Variants in TAMM41 observed in about 807,000 individuals in gnomAD.
TAMM41 encodes phosphatidate cytidylyltransferase, mitochondrial.
A neutral mutation model predicts 44.1 loss-of-function variants in TAMM41; 36 were observed. That is an observed-to-expected ratio of 0.82 (90% CI 0.63 to 1.08). TAMM41 has a LOEUF of 1.08. Among genes scored for constraint, TAMM41 ranks in the 50% least tolerant of loss-of-function variants. The pLI is 0.00. For missense variants in TAMM41, 417 were observed against 404.3 expected (o/e 1.03, Z -0.27); for synonymous variants, 164 against 153.1 (o/e 1.07, Z -0.53).
chr3:11,772,395 C>T, the TAMM41 span, among the ~76,000 whole-genome samples: 1 of 152,122 alleles, frequency 6.6e-6, no homozygotes, highest in East Asian at 1.9e-4. Flanking sequence ...GTCTGTTTTT[C>T]TACTCTGTGT....
the TAMM41 span, among the ~76,000 whole-genome samples, chr3:11,752,880 C>T: frequency 6.6e-6 from 1 of 151,514 alleles, no homozygotes; most frequent in South Asian, 2.1e-4. Context: ...GTCTTGAACT[C>T]CTGGGCTCTA....
At chr3:11,783,410 A>G in the TAMM41 span, among the ~76,000 whole-genome samples, 1 of 151,722 alleles carries the variant, frequency 6.6e-6, no homozygotes, top group Non-Finnish European at 1.5e-5. Context: ...TGGTCACCAA[A>G]TCCAAAGCTT....
chr3:11,725,365 TC>T, the TAMM41 span, among the ~76,000 whole-genome samples: 6 of 136,242 alleles, frequency 4.4e-5, no homozygotes, highest in South Asian at 2.4e-4. Flanking sequence ...TTTTTCTTCT[TC>T]TCCTCCTCCT....
chr3:11,804,703 C>T (rs147636720), intron 7 of TAMM41, among the ~76,000 whole-genome samples: 3 of 152,310 alleles, frequency 2.0e-5, no homozygotes, highest in South Asian at 2.1e-4. Flanking sequence ...ACCTCATCTT[C>T]AGTCTTGCCA....
At chr3:11,814,762 A>G (rs2078219167) in intron 5 of TAMM41, among the ~76,000 whole-genome samples, 1 of 152,210 alleles carries the variant, frequency 6.6e-6, no homozygotes, top group Admixed American at 6.5e-5. Flanking sequence ...CAGGAGTTTG[A>G]GACCAGCCTG....
At chr3:11,805,158 C>T (rs1444046449) in intron 7 of TAMM41, among the ~76,000 whole-genome samples, 4 of 152,058 alleles carry the variant, frequency 2.6e-5, no homozygotes, top group Non-Finnish European at 4.4e-5. Context: ...TGTGCCACCA[C>T]GCCCAGCTAA....
At chr3:11,781,553 G>A in the TAMM41 span, among the ~76,000 whole-genome samples, 1 of 151,954 alleles carries the variant, frequency 6.6e-6, no homozygotes, top group African/African-American at 2.4e-5. Context: ...TGGCCAACAT[G>A]GCAAAACCCC....
chr3:11,788,045 C>CA (rs1217126302), downstream of TAMM41, among the ~76,000 whole-genome samples: 1 of 152,208 alleles, frequency 6.6e-6, no homozygotes, highest in Admixed American at 6.5e-5. Flanking sequence ...AAAGGCACTA[C>CA]ACTGGAGTCT....
chr3:11,782,776 A>G, the TAMM41 span, among the ~76,000 whole-genome samples: 1 of 151,940 alleles, frequency 6.6e-6, no homozygotes, highest in African/African-American at 2.4e-5. Context: ...ACACGGTTGG[A>G]GTTTGGGGCA....
the TAMM41 span, among the ~76,000 whole-genome samples, chr3:11,734,878 CAAAAAAAAAAA>C: frequency 1.4e-5 from 1 of 73,312 alleles, no homozygotes; most frequent in Non-Finnish European, 2.9e-5. Context: ...TACTAAAATA[CAAAAAAAAAAA>C]AAAAAAAAAA....
intron 5 of TAMM41, chr3:11,811,657 T>TA (rs1472938814): frequency 6.6e-6 from 1 of 152,236 alleles, no homozygotes; most frequent in Non-Finnish European, 1.5e-5. Flanking sequence ...CGGACATGGA[T>TA]ACAATTATTA....
At chr3:11,846,012 T>C (rs979160837) in intron 1 of TAMM41, among the ~76,000 whole-genome samples, 1 of 152,202 alleles carries the variant, frequency 6.6e-6, no homozygotes, top group African/African-American at 2.4e-5. Context: ...TTTTGCATTT[T>C]CTCCTACATT....
the TAMM41 span, among the ~76,000 whole-genome samples, chr3:11,730,417 C>CA: frequency 0.067 from 6,587 of 99,016 alleles, 542 homozygotes; most frequent in African/African-American, 0.2. Flanking sequence ...TACTTCATCT[C>CA]AAAAAAAAAA....
intron 1 of TAMM41, chr3:11,845,063 G>A (rs1416458597): frequency 2.2e-6 from 1 of 449,480 alleles, no homozygotes; most frequent in Non-Finnish European, 4.5e-6. Context: ...GGATATGGGA[G>A]CCAGCATGTT....
the TAMM41 span, among the ~76,000 whole-genome samples, chr3:11,748,273 TATTTATTTA>T: frequency 0.025 from 125 of 4,918 alleles, 1 homozygote; most frequent in Middle Eastern, 0.071. Flanking sequence ...TGTACTCTTT[TATTTATTTA>T]TTTATTTATT....
chr3:11,821,577 G>A (rs533282751), intron 4 of TAMM41, among the ~76,000 whole-genome samples: 2 of 152,344 alleles, frequency 1.3e-5, no homozygotes, highest in Non-Finnish European at 1.5e-5. Context: ...GTTCCTAACA[G>A]GGTTCCCAAG....
the TAMM41 span, among the ~76,000 whole-genome samples, chr3:11,733,146 C>T: frequency 6.6e-6 from 1 of 151,710 alleles, no homozygotes; most frequent in Admixed American, 6.6e-5. Context: ...CTACAGGCGC[C>T]TGCCACCATG....
At chr3:11,817,000 G>A (rs2078305826) in intron 5 of TAMM41, 192 bp downstream of exon 5, 1 of 523,052 alleles carries the variant, frequency 1.9e-6, no homozygotes. Flanking sequence ...CTTCTCCAAA[G>A]GCAGCCTCTT....
chr3:11,766,554 C>A, the TAMM41 span, among the ~76,000 whole-genome samples: 1 of 151,562 alleles, frequency 6.6e-6, no homozygotes, highest in African/African-American at 2.4e-5. Context: ...TTATTATTTT[C>A]TTCAGGCCAG....
Sources: gnomAD v4.1 joint callset for allele counts (sites outside exome capture counted in the v4.1 genomes callset) on GRCh38, gnomAD v4.1.1 for gene constraint, MANE v1.5 for transcripts, NCBI Gene and HGNC (gene_info 2026-07-23, HGNC 2026-07-21) for gene names.